Variants in RYK observed in about 807,000 individuals in gnomAD.
RYK encodes inactive tyrosine-protein kinase RYK.
A neutral mutation model predicts 70.2 loss-of-function variants in RYK; 21 were observed. That is an observed-to-expected ratio of 0.30 (90% CI 0.21 to 0.43). The LOEUF is 0.43. Ranked by LOEUF, RYK falls within the 20% of genes least tolerant of loss-of-function variation. The pLI, the probability that RYK is intolerant of heterozygous loss-of-function variation, is 1.00. For synonymous variants in RYK, 267 were observed against 278.0 expected, an observed-to-expected ratio of 0.96 and a Z score of 0.39; for missense variants, 604 against 753.3, an observed-to-expected ratio of 0.80 and a Z score of 2.32.
At chr3:134,202,707 C>T (rs1477691336) in intron 6 of RYK, 23 bp downstream of exon 6, 2 of 1,600,674 alleles carry the variant, frequency 1.2e-6, no homozygotes, top group Admixed American at 1.8e-5. Context: ...CATTTTTTTT[C>T]TTTCCCAAAA....
chr3:134,210,740 G>T (rs1438665679), intron 3 of RYK, among the ~76,000 whole-genome samples: 3 of 152,168 alleles, frequency 2.0e-5, no homozygotes, highest in Non-Finnish European at 4.4e-5. Context: ...ACTGTACTGA[G>T]TGCCTATCCT....
intron 1 of RYK, among the ~76,000 whole-genome samples, chr3:134,248,309 T>C (rs1214389685): frequency 1.3e-5 from 2 of 152,178 alleles, no homozygotes; most frequent in Non-Finnish European, 2.9e-5. Flanking sequence ...GGGCATAAAT[T>C]GGATGCTCAT....
At chr3:134,181,562 T>G (rs1025737588) in intron 10 of RYK, 1 of 152,220 alleles carries the variant, frequency 6.6e-6, no homozygotes, top group Non-Finnish European at 1.5e-5. Context: ...AATTTAAAAG[T>G]AAGGCTCTGG....
In RYK at chr3:134,165,282, T is replaced by C. The variant is rs141108251; in HGVS notation, c.1576-5909A>G. Among the ~76,000 whole-genome samples, 641 of 152,366 alleles carry C rather than the reference T, an allele frequency of 4.2e-3. 2 individuals are homozygous for C. Among genetic ancestry groups the C allele is most frequent in the African/African-American group, 0.015 (616 of 41,588 alleles). On this transcript the variant is annotated intron_variant, in intron 13 of 14. Coordinates refer to ENST00000623711, the MANE Select transcript of RYK (RefSeq NM_002958.4). Reference sequence around the variant, plus strand: ...GTTTTAGTAGCTTTTTTGTATATCATACTGAATTTTCTACATAAATGATCA... The same window carrying C: ...GTTTTAGTAGCTTTTTTGTATATCACACTGAATTTTCTACATAAATGATCA...
rs181216058 is a variant in RYK at position 134,217,886 on chromosome 3, G to A, written c.354+4532C>T. The stretch of plus-strand genomic sequence containing the variant: ...AGATTAATTTTTAAAATAAATAAAC[G>A]TAATCAACTGTGCTAAAATCACCAG... On this transcript the variant is annotated intron_variant, in intron 2 of 14. Coordinates refer to ENST00000623711, the MANE Select transcript of RYK (RefSeq NM_002958.4). 5.3e-5 allele frequency among the ~76,000 whole-genome samples: 8 copies of A among 152,064 alleles called. No homozygotes were observed. The East Asian group carries it at 5.8e-4, about 11-fold the overall frequency.
intron 13 of RYK, 37 bp downstream of exon 13, chr3:134,175,572 C>T (rs773445100): frequency 6.3e-6 from 10 of 1,586,752 alleles, no homozygotes; most frequent in South Asian, 4.6e-5. Context: ...AAAGCTGTTT[C>T]TCTATTCTTT....
At position 134,157,848 on chromosome 3, in the gene RYK, A is replaced by C. The variant is rs1203422449; in HGVS notation, c.*305T>G. On this transcript the variant is annotated 3_prime_UTR_variant, in exon 15 of 15. Transcript: ENST00000623711. The stretch of plus-strand genomic sequence containing the variant: ...CAAATATCTGTGTCTAAACAATTTT[A>C]AAAACTGTTTATTTATTTTGTAAGA... 4.6e-6 allele frequency: 1 copy of C among 216,646 alleles called. No homozygotes were observed. The highest frequency in any genetic ancestry group is 2.3e-5 in the African/African-American group (1 of 44,048). The allele number at this position is 216,646 out of a possible 1,614,324, so 13.4% of individuals were successfully genotyped here. A position where few individuals can be genotyped will look rare whatever the true frequency, so the allele number is the denominator to read the frequency against.
chr3:134,249,408 AAT>A (rs1479792498), intron 1 of RYK, among the ~76,000 whole-genome samples: 1 of 152,192 alleles, frequency 6.6e-6, no homozygotes, highest in Non-Finnish European at 1.5e-5. Context: ...TAATGGATGC[AAT>A]AGAGAATAAT....
Position 134,172,444 on chromosome 3 carries a change from A to T in RYK, c.1575+3165T>A, listed in dbSNP as rs143843798. Among the ~76,000 whole-genome samples, 32 of 152,354 alleles carry T rather than the reference A, an allele frequency of 2.1e-4. 1 individual carries two copies. Among genetic ancestry groups the T allele is most frequent in the Admixed American group, 1.4e-3 (21 of 15,306 alleles). On this transcript the variant is annotated intron_variant, in intron 13 of 14. Transcript: ENST00000623711. ...TAGCTTTGCTTAATGTAGAGCTGGT[A>T]AACAGTTCCAGCTACAATTCAGAAT... is the stretch of plus-strand genomic sequence containing the variant.
intron 2 of RYK, 30 bp downstream of exon 2, chr3:134,222,388 C>A: frequency 1.2e-6 from 2 of 1,611,788 alleles, no homozygotes; most frequent in South Asian, 1.1e-5. Context: ...GTGACCCTGT[C>A]ATGATGTCTG....
At chr3:134,215,426 T>C (rs115424734) in intron 2 of RYK, among the ~76,000 whole-genome samples, 3,601 of 152,328 alleles carry the variant, frequency 0.024, 136 homozygotes, top group African/African-American at 0.082. Flanking sequence ...CATGAAACTG[T>C]GGAAGCCTCC....
intron 2 of RYK, among the ~76,000 whole-genome samples, chr3:134,214,937 T>G (rs2014507908): frequency 6.6e-6 from 1 of 152,230 alleles, no homozygotes; most frequent in Admixed American, 6.5e-5. Context: ...ACACTAGGGT[T>G]CTAGCCCATT....
intron 6 of RYK, among the ~76,000 whole-genome samples, chr3:134,196,557 T>G (rs1047302085): frequency 6.8e-6 from 1 of 147,108 alleles, no homozygotes; most frequent in African/African-American, 2.5e-5. Flanking sequence ...CTGGGCAACA[T>G]AGTGAGACCC....
At chr3:134,212,539 G>T (rs938493303) in intron 2 of RYK, among the ~76,000 whole-genome samples, 5 of 152,124 alleles carry the variant, frequency 3.3e-5, no homozygotes, top group African/African-American at 9.7e-5. Context: ...CAGCAGGTTG[G>T]GAAAAGAGTG....
At chr3:134,188,772 T>G in intron 9 of RYK, 65 bp downstream of exon 9, 1 of 941,064 alleles carries the variant, frequency 1.1e-6, no homozygotes, top group Non-Finnish European at 1.6e-6. Context: ...GAGACAGAAT[T>G]TTGCTGGCAG....
At chr3:134,204,617 A>G (rs991476666) in intron 5 of RYK, among the ~76,000 whole-genome samples, 24 of 151,924 alleles carry the variant, frequency 1.6e-4, no homozygotes, top group African/African-American at 4.8e-4. Flanking sequence ...ACACACACAC[A>G]CACACACACA....
At chr3:134,248,651 T>C (rs990637816) in intron 1 of RYK, among the ~76,000 whole-genome samples, 2 of 151,880 alleles carry the variant, frequency 1.3e-5, no homozygotes, top group Non-Finnish European at 2.9e-5. Context: ...ACCCTGTCTC[T>C]ACTAAAAATA....
At chr3:134,226,761 C>T (rs1004945543) in intron 1 of RYK, among the ~76,000 whole-genome samples, 5 of 151,984 alleles carry the variant, frequency 3.3e-5, no homozygotes, top group Non-Finnish European at 7.4e-5. Flanking sequence ...AATTCAAAAC[C>T]TATTAATGAT....
intron 1 of RYK, among the ~76,000 whole-genome samples, chr3:134,226,019 T>G (rs750373390): frequency 6.6e-6 from 1 of 151,882 alleles, no homozygotes; most frequent in Non-Finnish European, 1.5e-5. Flanking sequence ...AAAAACAGAT[T>G]CAAACCAAAA....
Sources: gnomAD v4.1 joint callset for allele counts (sites outside exome capture counted in the v4.1 genomes callset) on GRCh38, gnomAD v4.1.1 for gene constraint, MANE v1.5 for transcripts, NCBI Gene and HGNC (gene_info 2026-07-23, HGNC 2026-07-21) for gene names.